SLC14A2: variants seen among roughly 807,000 people sequenced by gnomAD.
The protein encoded by SLC14A2 is urea transporter 2.
Under a neutral mutation model 104.6 loss-of-function variants are expected in SLC14A2, and 91 were observed. That is an observed-to-expected ratio of 0.87 (90% CI 0.73 to 1.04). The LOEUF is 1.04. Among genes scored for constraint, SLC14A2 ranks in the 50% least tolerant of loss-of-function variants. The pLI is 0.00. For missense variants in SLC14A2, 1,189 were observed against 1,156.0 expected (o/e 1.03, Z -0.41); for synonymous variants, 476 against 466.4 (o/e 1.02, Z -0.27).
intron 2 of SLC14A2, among the ~76,000 whole-genome samples, chr18:45,543,864 C>A (rs2043927213): frequency 6.6e-6 from 1 of 152,224 alleles, no homozygotes; most frequent in Non-Finnish European, 1.5e-5. Flanking sequence ...ACTGTACAAA[C>A]CACGTGGTTT....
chr18:45,571,230 G>T, intron 2 of SLC14A2, among the ~76,000 whole-genome samples: 1 of 152,258 alleles, frequency 6.6e-6, no homozygotes, highest in East Asian at 1.9e-4. Flanking sequence ...CAGGACACAT[G>T]TCAATTTGAC....
intron 15 of SLC14A2, 75 bp downstream of exon 15, chr18:45,668,552 TGTCTAAACGTGATATTAAA>T: frequency 6.7e-7 from 1 of 1,502,504 alleles, no homozygotes; most frequent in South Asian, 1.2e-5. Context: ...CATGACCGTC[TGTCTAAACGTGATATTAAA>T]GTGGCATGTA....
chr18:45,613,246 TC>T (rs1373699041), upstream of SLC14A2, among the ~76,000 whole-genome samples: 3 of 152,088 alleles, frequency 2.0e-5, no homozygotes, highest in African/African-American at 7.2e-5. Flanking sequence ...GTGGTCTTGA[TC>T]TCCTGACCTC....
chr18:45,243,539 G>A (rs1490626744), intron 1 of SLC14A2, among the ~76,000 whole-genome samples: 2 of 152,180 alleles, frequency 1.3e-5, no homozygotes, highest in African/African-American at 4.8e-5. Context: ...GAGTTATTTA[G>A]AAAAACATCA....
chr18:45,556,725 T>C (rs938751058), intron 2 of SLC14A2, among the ~76,000 whole-genome samples: 13 of 152,244 alleles, frequency 8.5e-5, no homozygotes, highest in African/African-American at 3.1e-4. Context: ...TATATTTATC[T>C]ACCTATGACA....
chr18:45,652,623 T>C (rs534708350), intron 10 of SLC14A2, among the ~76,000 whole-genome samples: 20 of 152,288 alleles, frequency 1.3e-4, no homozygotes, highest in African/African-American at 4.6e-4. Flanking sequence ...AAACGTAGAA[T>C]TGAAGGAAGC....
intron 1 of SLC14A2, among the ~76,000 whole-genome samples, chr18:45,249,881 C>A (rs1449575212): frequency 6.6e-6 from 1 of 151,946 alleles, no homozygotes. Flanking sequence ...CCCAGGAGTT[C>A]AAGGGTGCAG....
chr18:45,236,305 G>A lies in SLC14A2; in HGVS notation c.-125+23114G>A, dbSNP rs547795273. 5.8e-4 allele frequency among the ~76,000 whole-genome samples: 19 copies of A among 33,034 alleles called. 1 individual carries two copies. The highest frequency in any genetic ancestry group is 1.3e-3 in the Admixed American group (3 of 2,236). 21.7% of individuals were successfully genotyped at this position (33,034 alleles called of 152,430 possible). On this transcript the variant is annotated intron_variant, in intron 1 of 20. Transcript: ENST00000586448. ...TATGTGTATATATACATGTATGTGT[G>A]TATATGTGTATATATACATGTATGT... is the stretch of plus-strand genomic sequence containing the variant.
At chr18:45,657,763 G>A (rs936539367) in intron 10 of SLC14A2, among the ~76,000 whole-genome samples, 1 of 152,090 alleles carries the variant, frequency 6.6e-6, no homozygotes, top group Non-Finnish European at 1.5e-5. Flanking sequence ...CTGTAAAATG[G>A]GAGAGCTGGA....
At chr18:45,476,895 A>G (rs2087392005) in intron 1 of SLC14A2, among the ~76,000 whole-genome samples, 1 of 152,052 alleles carries the variant, frequency 6.6e-6, no homozygotes, top group African/African-American at 2.4e-5. Flanking sequence ...CCTTTTTTCA[A>G]GGTTCTTGGC....
At chr18:45,242,386 G>A (rs1161233568) in intron 1 of SLC14A2, among the ~76,000 whole-genome samples, 1 of 152,188 alleles carries the variant, frequency 6.6e-6, no homozygotes, top group African/African-American at 2.4e-5. Context: ...AGGCGGCAGA[G>A]CAGCCCTTTT....
chr18:45,596,147 T>G (rs1393444263), intron 2 of SLC14A2, among the ~76,000 whole-genome samples: 1 of 152,138 alleles, frequency 6.6e-6, no homozygotes, highest in Non-Finnish European at 1.5e-5. Flanking sequence ...CCAGTTGCCC[T>G]CTCCTATCTT....
intron 18 of SLC14A2, among the ~76,000 whole-genome samples, chr18:45,677,816 T>C (rs139075156): frequency 1.8e-3 from 277 of 152,288 alleles, no homozygotes; most frequent in Non-Finnish European, 2.6e-3. Context: ...TGTTTGTTTG[T>C]TTGTTGTTTG....
intron 1 of SLC14A2, among the ~76,000 whole-genome samples, chr18:45,461,211 G>C (rs1054518825): frequency 2.0e-5 from 3 of 152,158 alleles, no homozygotes; most frequent in Non-Finnish European, 4.4e-5. Context: ...GGCTCAAACA[G>C]AGGTAAACCT....
chr18:45,287,474 C>T (rs189584660), intron 1 of SLC14A2, among the ~76,000 whole-genome samples: 7 of 152,264 alleles, frequency 4.6e-5, no homozygotes, highest in East Asian at 3.9e-4. Context: ...CCACAGCAAG[C>T]GGGTGAATTG....
intron 1 of SLC14A2, among the ~76,000 whole-genome samples, chr18:45,239,102 T>C (rs1012819195): frequency 1.1e-4 from 16 of 152,214 alleles, no homozygotes; most frequent in Admixed American, 6.5e-4. Context: ...ATGACTTCTT[T>C]CTTCCTTTTC....
At chr18:45,460,418 G>T (rs1469200237) in intron 1 of SLC14A2, among the ~76,000 whole-genome samples, 1 of 152,160 alleles carries the variant, frequency 6.6e-6, no homozygotes, top group Non-Finnish European at 1.5e-5. Flanking sequence ...TTGCAGAAGG[G>T]TTAGCCCAGA....
At chr18:45,625,338 T>A (rs537486767) in intron 2 of SLC14A2, among the ~76,000 whole-genome samples, 5 of 152,346 alleles carry the variant, frequency 3.3e-5, no homozygotes, top group African/African-American at 7.2e-5. Flanking sequence ...TTTAGTAAGA[T>A]TATAACTGCA....
At chr18:45,247,362 G>A (rs544785458) in intron 1 of SLC14A2, among the ~76,000 whole-genome samples, 209 of 152,356 alleles carry the variant, frequency 1.4e-3, no homozygotes, top group Non-Finnish European at 2.5e-3. Context: ...TAATGTTGAA[G>A]AAATGCTGAT....
Sources: gnomAD v4.1 joint callset for allele counts (sites outside exome capture counted in the v4.1 genomes callset) on GRCh38, gnomAD v4.1.1 for gene constraint, MANE v1.5 for transcripts, NCBI Gene and HGNC (gene_info 2026-07-23, HGNC 2026-07-21) for gene names.